Variants in ROGDI observed in about 807,000 individuals in gnomAD.
The protein encoded by ROGDI is protein rogdi homolog.
ROGDI carries 46 observed loss-of-function variants against 43.1 expected under a neutral mutation model. The observed-to-expected ratio is 1.07, with a 90% confidence interval of 0.84 to 1.37. The LOEUF is 1.37. ROGDI is among the 40% of genes most tolerant of loss of function. The probability of loss-of-function intolerance (pLI) is 0.00; values close to 1 mark genes in which losing one functional copy is unlikely to be tolerated. For missense variants in ROGDI, 518 were observed against 383.9 expected, an observed-to-expected ratio of 1.35 and a Z score of -2.92; for synonymous variants, 243 against 162.0, an observed-to-expected ratio of 1.50 and a Z score of -3.80.
At chr16:4,800,423 T>C (rs2082700572) in intron 5 of ROGDI, 75 bp downstream of exon 5, 1 of 1,236,360 alleles carries the variant, frequency 8.1e-7, no homozygotes, top group Non-Finnish European at 1.2e-6. Context: ...CTAGTCCCTC[T>C]CCAGGGAGGC....
chr16:4,801,813 G>C, intron 2 of ROGDI: 1 of 597,386 alleles, frequency 1.7e-6, no homozygotes, highest in Middle Eastern at 4.5e-4. Flanking sequence ...CTGTGTGCCC[G>C]CCTCGGGGAA....
At position 4,802,415 on chromosome 16, in the gene ROGDI, G is replaced by T. The variant is rs1371856388; in HGVS notation, c.84C>A (p.His28Gln). Residue 28 changes from histidine (H) to glutamine (Q), a missense_variant, in exon 2 of 11, where the codon CAC becomes CAA. Physicochemically the swap from His to Gln is conservative, Grantham distance 24 (BLOSUM62 0). Transcript: ENST00000322048. Reference protein sequence around the residue: ...EFRWLLHDEVHAVLKQLQDIL... With the variant: ...EFRWLLHDEVQAVLKQLQDIL... ...TGTCCTGCAGCTGCTTCAACACAGCGTGCACCTCGTCGTGCAGCAGCCAGC... is the reference window on the plus strand; with the variant it reads ...TGTCCTGCAGCTGCTTCAACACAGCTTGCACCTCGTCGTGCAGCAGCCAGC... 3.9e-6 allele frequency: 6 copies of T among 1,533,838 alleles called. No individual in the cohort carries two copies. The highest frequency in any genetic ancestry group is 5.2e-6 in the Non-Finnish European group (6 of 1,146,282).
intron 2 of ROGDI, 199 bp downstream of exon 2, chr16:4,802,183 C>T: frequency 4.6e-6 from 3 of 649,822 alleles, no homozygotes; most frequent in Non-Finnish European, 8.4e-6. Flanking sequence ...CTAGCACCCT[C>T]GTCGGGACCC....
intron 4 of ROGDI, chr16:4,801,000 G>A: frequency 2.0e-6 from 1 of 512,770 alleles, no homozygotes. Context: ...TGTGTGGCCA[G>A]CCTAATCCAC....
rs757872277 is a variant in ROGDI at position 4,797,972 on chromosome 16, C to T, written c.661G>A (p.Gly221Arg). The change falls in exon 9 of 11, where the codon GGG (glycine) becomes AGG (arginine). Residue 221 changes from glycine (G) to arginine (R), a missense_variant. Coordinates refer to ENST00000322048, the MANE Select transcript of ROGDI (RefSeq NM_024589.3). ...PNSTKNFRPA[G>R]GAVLHSPGAM... ...CCAGGGCTATGCAGCACCGCGCCCC[C>T]AGCTGGGCGGAAGTTCTAGGGAGAA... 2 of 1,607,678 alleles carry T rather than the reference C, an allele frequency of 1.2e-6. No homozygotes were observed. Among genetic ancestry groups the T allele is most frequent in the African/African-American group, 1.3e-5 (1 of 74,946 alleles).
chr16:4,801,357 ACCC>A, intron 3 of ROGDI, 36 bp from the exon 4 acceptor site: 1 of 1,586,982 alleles, frequency 6.3e-7, no homozygotes, highest in Non-Finnish European at 8.6e-7. Context: ...GCCTGTGGTC[ACCC>A]CCCCACCACC....
intron 7 of ROGDI, 187 bp downstream of exon 7, chr16:4,798,381 AC>A: frequency 2.9e-6 from 2 of 700,554 alleles, no homozygotes; most frequent in Non-Finnish European, 4.8e-6. Context: ...GGAACCACTA[AC>A]CCGAAACAGG....
rs767957685 is a variant in ROGDI, at chr16:4,797,963, C to T, written c.670G>A (p.Val224Met). 1 of 1,605,812 alleles carries T rather than the reference C, an allele frequency of 6.2e-7. No homozygotes were observed. Among genetic ancestry groups the T allele is most frequent in the Non-Finnish European group, 8.5e-7 (1 of 1,174,694 alleles). Residue 224 changes from valine to methionine, a missense_variant, in exon 9 of 11, where the codon GTG becomes ATG. Physicochemically the swap from Val to Met is conservative, Grantham distance 21. Transcript: ENST00000322048. ...TKNFRPAGGA[V>M]LHSPGAMFEW... ...AACATGGCCCCAGGGCTATGCAGCA[C>T]CGCGCCCCCAGCTGGGCGGAAGTTC...
At position 4,798,685 on chromosome 16, in the gene ROGDI, G is replaced by A. The variant is rs1231925548; in HGVS notation, c.433-18C>T. On this transcript the variant is annotated intron_variant, in intron 6 of 10. Transcript: ENST00000322048. ...TCCATCAGCTGCAGGGAGAGGCGGG[G>A]TTGGCTCTGCGTCCTCCCGTGTCCC... 7.8e-6 allele frequency: 12 copies of A among 1,541,554 alleles called. No individual in the cohort carries two copies. Among genetic ancestry groups the A allele is most frequent in the Non-Finnish European group, 1.0e-5 (12 of 1,143,888 alleles).
intron 6 of ROGDI, chr16:4,798,915 C>T: frequency 3.8e-6 from 2 of 531,282 alleles, no homozygotes; most frequent in Non-Finnish European, 6.6e-6. Context: ...GGTGCTGGAT[C>T]AATGGGGAAT....
chr16:4,802,157 G>A lies in ROGDI; in HGVS notation c.117+225C>T, dbSNP rs1015366691. ...GGCCTTCCCCGACCCGAGGCCGGGC[G>A]GGACTCAGGCCCTTGCTAGCACCCT... On this transcript the variant is annotated intron_variant, in intron 2 of 10. Transcript: ENST00000322048. 2.7e-5 allele frequency: 18 copies of A among 655,556 alleles called. No homozygotes were observed. In the East Asian group the frequency reaches 3.8e-4, roughly 14 times the overall value. The allele number at this position is 655,556 out of a possible 1,614,324, so 40.6% of individuals were successfully genotyped here. A position where few individuals can be genotyped will look rare whatever the true frequency, so the allele number is the denominator to read the frequency against.
chr16:4,797,323 G>A lies in ROGDI; in HGVS notation c.*137C>T. ...ACTTCCAGTGTCCATTCCCGGCAGT[G>A]CAAATGTGTTAGGTGGGGTAGGGGG... On this transcript the variant is annotated 3_prime_UTR_variant, in exon 11 of 11. Coordinates refer to ENST00000322048, the MANE Select transcript of ROGDI (RefSeq NM_024589.3). 3 of 753,614 alleles carry A rather than the reference G, an allele frequency of 4.0e-6. No individual in the cohort carries two copies. The highest frequency in any genetic ancestry group is 2.7e-5 in the East Asian group (1 of 37,388). The allele number at this position is 753,614 out of a possible 1,614,324, so 46.7% of individuals were successfully genotyped here.
intron 5 of ROGDI, among the ~76,000 whole-genome samples, chr16:4,799,991 A>G (rs2082696847): frequency 6.6e-6 from 1 of 152,064 alleles, no homozygotes; most frequent in Non-Finnish European, 1.5e-5. Flanking sequence ...CTCCTTTCTA[A>G]GGGATGGACA....
Position 4,797,436 on chromosome 16 carries a change from G to A in ROGDI, c.*24C>T, listed in dbSNP as rs756091670. ...AGTAGGGGACGGGGCCGCCTTCCTG[G>A]AGACAAGCTCCTGGGTGCTGTGATC... On this transcript the variant is annotated 3_prime_UTR_variant, in exon 11 of 11. Coordinates refer to ENST00000322048, the MANE Select transcript of ROGDI (RefSeq NM_024589.3). 1 of 1,608,996 alleles carries A rather than the reference G, an allele frequency of 6.2e-7. No homozygotes were observed. Among genetic ancestry groups the A allele is most frequent in the South Asian group, 1.1e-5 (1 of 90,384 alleles).
chr16:4,801,395 C>A, intron 3 of ROGDI, 74 bp from the exon 4 acceptor site: 1 of 1,556,166 alleles, frequency 6.4e-7, no homozygotes, highest in Non-Finnish European at 8.8e-7. Flanking sequence ...GGCGGGCTGC[C>A]CCTCCTGTCC....
rs572561598 is a variant in ROGDI, at chr16:4,800,583, C to T, written c.256-5G>A. 6.4e-7 allele frequency: 1 copy of T among 1,562,424 alleles called. No homozygotes were observed. Among genetic ancestry groups the T allele is most frequent in the Non-Finnish European group, 8.7e-7 (1 of 1,152,438 alleles). On this transcript the variant is annotated splice_polypyrimidine_tract_variant and splice_region_variant and intron_variant, in intron 4 of 10. Coordinates refer to ENST00000322048, the MANE Select transcript of ROGDI (RefSeq NM_024589.3). ...GGGCATCTTCAGGTTCACATCCTGA[C>T]AGGCAAGAGTGGGGTGAGCTGGGCA...
At chr16:4,802,165 G>A (rs973763075) in intron 2 of ROGDI, 25 of 653,986 alleles carry the variant, frequency 3.8e-5, no homozygotes, top group Admixed American at 1.3e-4. Context: ...GCGGGACTCA[G>A]GCCCTTGCTA....
intron 6 of ROGDI, 37 bp downstream of exon 6, chr16:4,799,649 G>A: frequency 1.3e-6 from 2 of 1,509,958 alleles, no homozygotes; most frequent in East Asian, 4.6e-5. Context: ...CAAGAACGTG[G>A]GACTAGGCCC....
intron 7 of ROGDI, among the ~76,000 whole-genome samples, 163 bp from the exon 8 acceptor site, chr16:4,798,347 G>T (rs1044597878): frequency 6.6e-6 from 1 of 152,224 alleles, no homozygotes; most frequent in African/African-American, 2.4e-5. Flanking sequence ...GGTGCCCCAA[G>T]TATCTCCTGT....
Sources: gnomAD v4.1 joint callset for allele counts (sites outside exome capture counted in the v4.1 genomes callset) on GRCh38, gnomAD v4.1.1 for gene constraint, MANE v1.5 for transcripts, NCBI Gene and HGNC (gene_info 2026-07-23, HGNC 2026-07-21) for gene names.